The following DPP6 variants were observed in gnomAD, a reference collection of about 807,000 sequenced individuals.
DPP6 encodes the protein dipeptidyl peptidase like 6, also known as A-type potassium channel modulatory protein DPP6.
A neutral mutation model predicts 122.6 loss-of-function variants in DPP6; 69 were observed. That is an observed-to-expected ratio of 0.56 (90% CI 0.46 to 0.69). DPP6 has a LOEUF of 0.69. Ranked by LOEUF, DPP6 falls within the 30% of genes least tolerant of loss-of-function variation. DPP6 has a pLI of 0.00. For missense variants in DPP6, 928 were observed against 1,116.9 expected (o/e 0.83, Z 2.41); for synonymous variants, 418 against 433.1 (o/e 0.97, Z 0.43).
At chr7:154,611,021 T>C (rs566437832) in intron 5 of DPP6, among the ~76,000 whole-genome samples, 2 of 152,322 alleles carry the variant, frequency 1.3e-5, no homozygotes, top group Admixed American at 1.3e-4. Flanking sequence ...TCATTTACTG[T>C]GCTAGAGTGT....
chr7:154,724,616 C>A (rs1490424475), intron 7 of DPP6, among the ~76,000 whole-genome samples: 1 of 152,176 alleles, frequency 6.6e-6, no homozygotes, highest in Non-Finnish European at 1.5e-5. Flanking sequence ...CTTTGGGACA[C>A]CTTAATGTGG....
At chr7:154,367,299 T>C (rs1394475791) in intron 1 of DPP6, among the ~76,000 whole-genome samples, 2 of 152,236 alleles carry the variant, frequency 1.3e-5, no homozygotes, top group Non-Finnish European at 2.9e-5. Context: ...TTGGTTAACC[T>C]GGAGCCACAG....
chr7:154,814,710 T>C (rs1217017800), intron 16 of DPP6, among the ~76,000 whole-genome samples: 1 of 152,184 alleles, frequency 6.6e-6, no homozygotes, highest in Non-Finnish European at 1.5e-5. Context: ...TGTTAGCCAG[T>C]GTGGTTTCTC....
At chr7:154,112,067 T>A (rs1806629039) in intron 1 of DPP6, among the ~76,000 whole-genome samples, 1 of 152,120 alleles carries the variant, frequency 6.6e-6, no homozygotes, top group African/African-American at 2.4e-5. Flanking sequence ...CTGGAGTGGA[T>A]CACGAAGGGT....
At chr7:154,415,225 C>T (rs1284343172) in intron 1 of DPP6, among the ~76,000 whole-genome samples, 1 of 152,186 alleles carries the variant, frequency 6.6e-6, no homozygotes, top group Non-Finnish European at 1.5e-5. Flanking sequence ...GTAGAAGACT[C>T]ATCCCTGGTT....
At chr7:154,499,765 C>T (rs1825068649) in intron 3 of DPP6, among the ~76,000 whole-genome samples, 1 of 152,106 alleles carries the variant, frequency 6.6e-6, no homozygotes, top group Admixed American at 6.6e-5. Flanking sequence ...CCCCAGATCC[C>T]ATACACTATA....
intron 22 of DPP6, 21 bp from the exon 23 acceptor site, chr7:154,887,655 C>A (rs1280743425): frequency 6.2e-7 from 1 of 1,613,356 alleles, no homozygotes; most frequent in Non-Finnish European, 8.5e-7. Context: ...AGGTAACCTC[C>A]CTCCCTTTGC....
chr7:154,638,623 G>A (rs1465991167), intron 6 of DPP6, among the ~76,000 whole-genome samples: 2 of 150,490 alleles, frequency 1.3e-5, no homozygotes, highest in African/African-American at 4.9e-5. Flanking sequence ...TGCTGGGCAG[G>A]CGTCCCCCAC....
chr7:154,806,004 C>A (rs902764537), intron 15 of DPP6, among the ~76,000 whole-genome samples: 2 of 152,198 alleles, frequency 1.3e-5, no homozygotes, highest in African/African-American at 4.8e-5. Context: ...TTGGGAAGCC[C>A]CCCTGGTGAA....
chr7:154,857,558 C>T (rs1431536550), intron 17 of DPP6, among the ~76,000 whole-genome samples: 1 of 152,218 alleles, frequency 6.6e-6, no homozygotes, highest in Non-Finnish European at 1.5e-5. Context: ...TCTTGCAGCA[C>T]TTCACAGCCC....
chr7:153,833,067 G>T, the DPP6 span, among the ~76,000 whole-genome samples: 1 of 152,188 alleles, frequency 6.6e-6, no homozygotes, highest in Non-Finnish European at 1.5e-5. Flanking sequence ...TTCAACATTT[G>T]TTTAGAGATT....
At chr7:154,872,406 T>G (rs1383162161) in intron 18 of DPP6, among the ~76,000 whole-genome samples, 4 of 152,190 alleles carry the variant, frequency 2.6e-5, no homozygotes, top group African/African-American at 9.7e-5. Flanking sequence ...GAATGGAAGC[T>G]TCAGAGAAAT....
chr7:153,817,725 T>A, the DPP6 span, among the ~76,000 whole-genome samples: 1 of 126,000 alleles, frequency 7.9e-6, no homozygotes, highest in Non-Finnish European at 1.6e-5. Context: ...ATGAGAACAC[T>A]TGGACACAGG....
At chr7:153,933,911 A>G (rs1801300269) in intron 1 of DPP6, among the ~76,000 whole-genome samples, 1 of 152,176 alleles carries the variant, frequency 6.6e-6, no homozygotes, top group South Asian at 2.1e-4. Context: ...GTTTTTATAA[A>G]TCATGTATCG....
intron 1 of DPP6, among the ~76,000 whole-genome samples, chr7:154,408,735 C>T (rs775291724): frequency 6.6e-6 from 1 of 151,740 alleles, no homozygotes; most frequent in Non-Finnish European, 1.5e-5. Flanking sequence ...TTCCAGTCTC[C>T]TCTGGTCTAT....
At chr7:153,844,128 G>A in the DPP6 span, among the ~76,000 whole-genome samples, 3 of 152,162 alleles carry the variant, frequency 2.0e-5, no homozygotes, top group African/African-American at 4.8e-5. Context: ...TCAGGGGGAA[G>A]CACATCACCC....
At chr7:154,805,232 C>G (rs1587197976) in intron 15 of DPP6, among the ~76,000 whole-genome samples, 1 of 152,218 alleles carries the variant, frequency 6.6e-6, no homozygotes, top group African/African-American at 2.4e-5. Context: ...AACGGATGGA[C>G]TTTAACCCGT....
At chr7:154,361,224 G>T (rs1234983757) in intron 1 of DPP6, among the ~76,000 whole-genome samples, 1 of 152,184 alleles carries the variant, frequency 6.6e-6, no homozygotes, top group Non-Finnish European at 1.5e-5. Context: ...AATGCAAGTT[G>T]TCACTGCAAG....
intron 5 of DPP6, among the ~76,000 whole-genome samples, chr7:154,590,000 T>C (rs1832706936): frequency 6.6e-6 from 1 of 152,222 alleles, no homozygotes; most frequent in African/African-American, 2.4e-5. Flanking sequence ...TAAGCTGAGG[T>C]TTTTGGTTTT....
Sources: gnomAD v4.1 joint callset for allele counts (sites outside exome capture counted in the v4.1 genomes callset) on GRCh38, gnomAD v4.1.1 for gene constraint, MANE v1.5 for transcripts, NCBI Gene and HGNC (gene_info 2026-07-23, HGNC 2026-07-21) for gene names.